The following FHAD1 variants were observed in gnomAD, a reference collection of about 807,000 sequenced individuals.
FHAD1 encodes forkhead-associated domain-containing protein 1.
FHAD1 carries 146 observed loss-of-function variants against 191.3 expected under a neutral mutation model. The ratio of observed to expected loss-of-function variants is 0.76; its 90% confidence interval spans 0.67 to 0.88. The LOEUF is 0.88. Among genes scored for constraint, FHAD1 ranks in the 40% least tolerant of loss-of-function variants. The pLI, the probability that FHAD1 is intolerant of heterozygous loss-of-function variation, is 0.00. For synonymous variants in FHAD1, 616 were observed against 672.3 expected (o/e 0.92, Z 1.29); for missense variants, 1,635 against 1,785.8 (o/e 0.92, Z 1.52).
chr1:15,389,387 G>A (rs142746161), intron 32 of FHAD1, among the ~76,000 whole-genome samples: 2,428 of 138,820 alleles, frequency 0.017, 29 homozygotes, highest in Non-Finnish European at 0.024. Context: ...TCAAGGTTGC[G>A]ATGAGCCACA....
At chr1:15,345,341 A>G in intron 17 of FHAD1, 75 bp from the exon 18 acceptor site, 1 of 1,419,124 alleles carries the variant, frequency 7.0e-7, no homozygotes, top group Non-Finnish European at 9.7e-7. Context: ...GGAAGAGGAA[A>G]CCTGTGCGGT....
intron 1 of FHAD1, among the ~76,000 whole-genome samples, chr1:15,250,126 C>T (rs1752008): frequency 0.29 from 44,344 of 152,096 alleles, 7,512 homozygotes; most frequent in Non-Finnish European, 0.39. Flanking sequence ...TTTGTTTTTA[C>T]CCATAGTCCA....
chr1:15,395,155 T>A (rs1570690207), intron 33 of FHAD1, among the ~76,000 whole-genome samples: 1 of 151,610 alleles, frequency 6.6e-6, no homozygotes, highest in East Asian at 1.9e-4. Context: ...CTACAAAAAA[T>A]ACAAAAAAAT....
rs752197388 is a variant in FHAD1, at chr1:15,380,839, G to A, written c.3801+43G>A. On this transcript the variant is annotated intron_variant, in intron 29 of 33. Coordinates refer to ENST00000688493, the MANE Select transcript of FHAD1 (RefSeq NM_001391957.1). The stretch of plus-strand genomic sequence containing the variant: ...CCACCCTGCTCCTATCCAAAGCCTG[G>A]GGCCCCTGCAGTCAGTGTTGAACGC... 1.2e-5 allele frequency: 18 copies of A among 1,476,766 alleles called. 1 individual carries two copies. The South Asian group carries it at 1.9e-4, about 16-fold the overall frequency. The allele number at this position is 1,476,766 out of a possible 1,614,324, so 91.5% of individuals were successfully genotyped here. A position where few individuals can be genotyped will look rare whatever the true frequency, so the allele number is the denominator to read the frequency against.
In FHAD1 at chr1:15,375,716, A is replaced by T. The variant is rs1304458361; in HGVS notation, c.3691A>T (p.Ile1231Leu). Reference protein sequence around the residue: ...AKPDLPTLSRIEILAPQNGLC... With the variant: ...AKPDLPTLSRLEILAPQNGLC... The stretch of plus-strand genomic sequence containing the variant: ...ACCGGATTTGCCAACTCTCTCAAGA[A>T]TAGAGATCCTAGCGGTAACCAAAGA... The change falls in exon 28 of 34, where the codon ATA becomes TTA. Residue 1231 changes from isoleucine to leucine, a missense_variant. Coordinates refer to ENST00000688493, the MANE Select transcript of FHAD1 (RefSeq NM_001391957.1). 4 of 1,543,244 alleles carry T rather than the reference A, an allele frequency of 2.6e-6. No homozygotes were observed. Among genetic ancestry groups the T allele is most frequent in the South Asian group, 2.4e-5 (2 of 82,246 alleles).
At chr1:15,389,389 T>C (rs1172009501) in intron 32 of FHAD1, among the ~76,000 whole-genome samples, 2 of 136,664 alleles carry the variant, frequency 1.5e-5, no homozygotes, top group African/African-American at 5.8e-5. Context: ...AAGGTTGCGA[T>C]GAGCCACATA....
chr1:15,278,783 AG>A (rs922854308), intron 3 of FHAD1, among the ~76,000 whole-genome samples: 3 of 152,110 alleles, frequency 2.0e-5, no homozygotes, highest in African/African-American at 7.2e-5. Context: ...CAGAACTTGG[AG>A]ATATGTGGTT....
chr1:15,259,624 A>T (rs950010871), intron 2 of FHAD1, among the ~76,000 whole-genome samples: 2 of 152,204 alleles, frequency 1.3e-5, no homozygotes, highest in African/African-American at 4.8e-5. Flanking sequence ...AGAACAGCGA[A>T]AATCACTTTT....
chr1:15,295,417 T>G (rs1666595677), intron 4 of FHAD1, among the ~76,000 whole-genome samples: 1 of 152,108 alleles, frequency 6.6e-6, no homozygotes, highest in African/African-American at 2.4e-5. Context: ...GAGACCAACT[T>G]GGATAACATA....
At chr1:15,388,176 C>A in intron 32 of FHAD1, 45 bp downstream of exon 32, 1 of 1,193,224 alleles carries the variant, frequency 8.4e-7, no homozygotes, top group Non-Finnish European at 1.1e-6. Context: ...TAGAGACAGT[C>A]TCAACTGGGG....
chr1:15,246,323 A>G (rs1168335419), upstream of FHAD1, among the ~76,000 whole-genome samples: 2 of 152,194 alleles, frequency 1.3e-5, no homozygotes, highest in Non-Finnish European at 2.9e-5. Context: ...GTGGGGACAC[A>G]CAGCCAAACC....
At chr1:15,241,733 A>C (rs1645398880) in intron 1 of FHAD1, among the ~76,000 whole-genome samples, 2 of 152,070 alleles carry the variant, frequency 1.3e-5, no homozygotes, top group South Asian at 4.1e-4. Context: ...GGGCTACCCC[A>C]GGGGGTGGGT....
At chr1:15,252,546 G>C (rs982188167) in intron 2 of FHAD1, among the ~76,000 whole-genome samples, 1 of 152,160 alleles carries the variant, frequency 6.6e-6, no homozygotes, top group South Asian at 2.1e-4. Flanking sequence ...AGTCTGGTCC[G>C]GTGTCTGAGC....
chr1:15,299,199 CAAAAAAA>C (rs35299485), intron 5 of FHAD1, among the ~76,000 whole-genome samples: 4 of 46,394 alleles, frequency 8.6e-5, no homozygotes, highest in Admixed American at 2.5e-4. Flanking sequence ...GACCCTGTCT[CAAAAAAA>C]AAAAAAAAAA....
chr1:15,374,607 G>T lies in FHAD1; in HGVS notation c.3553G>T (p.Glu1185Ter), dbSNP rs1389406374. Reference protein sequence around the residue: ...ALSELRARIKELEKARSPDHK... With the variant: ...ALSELRARIK ...ATCTGAACTTCGAGCGCGAATTAAA[G>T]AACTCGAGAAGGCGCGCTCACCAGG... The change falls in exon 27 of 34, where the codon GAA becomes TAA. Residue 1185 changes from glutamate (E) to a stop codon, truncating the protein, a stop_gained. Transcript: ENST00000688493. LOFTEE classifies it high-confidence loss of function. 6.4e-7 allele frequency: 1 copy of T among 1,551,632 alleles called. No homozygotes were observed. Among genetic ancestry groups the T allele is most frequent in the East Asian group, 2.4e-5 (1 of 40,916 alleles).
intron 3 of FHAD1, among the ~76,000 whole-genome samples, chr1:15,288,803 T>G (rs1558010635): frequency 1.3e-5 from 2 of 152,168 alleles, no homozygotes; most frequent in African/African-American, 4.8e-5. Flanking sequence ...AGTGTTGATA[T>G]CACAGAGTGT....
Position 15,316,473 on chromosome 1 carries a change from T to G in FHAD1, c.1260+6T>G. 6.4e-7 allele frequency: 1 copy of G among 1,551,348 alleles called. No homozygotes were observed. Among genetic ancestry groups the G allele is most frequent in the Non-Finnish European group, 8.7e-7 (1 of 1,146,740 alleles). On this transcript the variant is annotated splice_donor_region_variant and intron_variant, in intron 9 of 33. Coordinates refer to ENST00000688493, the MANE Select transcript of FHAD1 (RefSeq NM_001391957.1). The surrounding 1 kb of genome is among the most constrained non-coding windows in gnomAD (Gnocchi z 4.3). ...AGTTAAAACTCTGCAAAACCGTGAG[T>G]TGAGCTTCCTCCTTTGTAGGTACCA...
chr1:15,256,645 CAAAAAAAAAA>C lies in FHAD1; in HGVS notation c.93+4786_93+4795del, dbSNP rs34598860. ...CTGGGCCACAAAACAAGACTCTGTC[CAAAAAAAAAA>C]AAAAAAAAAAAAAAAAAGAGTGGAG... On this transcript the variant is annotated intron_variant, in intron 2 of 33. Coordinates refer to ENST00000688493, the MANE Select transcript of FHAD1 (RefSeq NM_001391957.1). 8.1e-3 allele frequency among the ~76,000 whole-genome samples: 579 copies of C among 71,296 alleles called. 6 individuals are homozygous for C. The highest frequency in any genetic ancestry group is 0.038 in the African/African-American group (552 of 14,488). The allele number at this position is 71,296 out of a possible 152,430, so 46.8% of individuals were successfully genotyped here.
chr1:15,293,151 A>C (rs1239593682), intron 4 of FHAD1, among the ~76,000 whole-genome samples: 1 of 152,152 alleles, frequency 6.6e-6, no homozygotes, highest in Non-Finnish European at 1.5e-5. Context: ...GTGAACACTC[A>C]CTACGTTTTG....
Sources: gnomAD v4.1 joint callset for allele counts (sites outside exome capture counted in the v4.1 genomes callset) on GRCh38, gnomAD v4.1.1 for gene constraint, Gnocchi (gnomAD v3.1) non-coding constraint, MANE v1.5 for transcripts, NCBI Gene and HGNC (gene_info 2026-07-23, HGNC 2026-07-21) for gene names.